Variants in FBXL7 observed in about 807,000 individuals in gnomAD.
The protein encoded by FBXL7 is F-box/LRR-repeat protein 7.
In FBXL7, 12 loss-of-function variants were observed where a neutral mutation model predicts 38.3. That is an observed-to-expected ratio of 0.31 (90% confidence interval 0.20 to 0.51). FBXL7 has a LOEUF of 0.51. Among genes scored for constraint, FBXL7 ranks in the 20% least tolerant of loss-of-function variants. The probability of loss-of-function intolerance (pLI) is 0.98; values close to 1 mark genes in which losing one functional copy is unlikely to be tolerated. For synonymous variants in FBXL7, 297 were observed against 300.9 expected (o/e 0.99, Z 0.13); for missense variants, 567 against 676.4 (o/e 0.84, Z 1.79).
At chr5:15,539,015 C>T (rs962917768) in intron 1 of FBXL7, among the ~76,000 whole-genome samples, 4 of 152,138 alleles carry the variant, frequency 2.6e-5, no homozygotes, top group East Asian at 1.9e-4. Flanking sequence ...AGAAAAAACA[C>T]GTGCACTTTT....
intron 2 of FBXL7, among the ~76,000 whole-genome samples, chr5:15,722,585 A>G (rs1289060377): frequency 6.6e-6 from 1 of 152,158 alleles, no homozygotes. Flanking sequence ...TCCTGCTCAT[A>G]TGCACTAGGA....
intron 2 of FBXL7, among the ~76,000 whole-genome samples, chr5:15,809,584 A>G (rs983351544): frequency 3.9e-5 from 6 of 152,148 alleles, no homozygotes; most frequent in African/African-American, 1.4e-4. Flanking sequence ...CAAAGAACTA[A>G]TCGTTATTAA....
Position 15,867,117 on chromosome 5 carries a change from A to G in FBXL7, c.128-60773A>G, listed in dbSNP as rs1007120130. Among the ~76,000 whole-genome samples, 8 of 152,166 alleles carry G rather than the reference A, an allele frequency of 5.3e-5. 1 individual carries two copies. Among genetic ancestry groups the G allele is most frequent in the African/African-American group, 1.7e-4 (7 of 41,440 alleles). On this transcript the variant is annotated intron_variant, in intron 2 of 3. Coordinates refer to ENST00000504595, the MANE Select transcript of FBXL7 (RefSeq NM_012304.5). ...TAGAAGACCTTGTAAATTCAAATCC[A>G]TATCCTTTAGGATAAAGTTTCAGTA...
chr5:15,838,580 T>C (rs1272003336), intron 2 of FBXL7, among the ~76,000 whole-genome samples: 1 of 152,218 alleles, frequency 6.6e-6, no homozygotes, highest in African/African-American at 2.4e-5. Flanking sequence ...ATATTGAGCA[T>C]CCTCGTTGCT....
At chr5:15,768,844 G>A (rs1736659327) in intron 2 of FBXL7, among the ~76,000 whole-genome samples, 2 of 152,206 alleles carry the variant, frequency 1.3e-5, no homozygotes, top group Admixed American at 1.3e-4. Context: ...AGTAGAGATG[G>A]AGATATACAT....
At chr5:15,711,269 G>C (rs1435513142) in intron 2 of FBXL7, among the ~76,000 whole-genome samples, 1 of 152,162 alleles carries the variant, frequency 6.6e-6, no homozygotes, top group Non-Finnish European at 1.5e-5. Flanking sequence ...AGTAGCTCTG[G>C]AGATTCCTGG....
chr5:15,817,082 T>C (rs1248319443), intron 2 of FBXL7, among the ~76,000 whole-genome samples: 1 of 152,216 alleles, frequency 6.6e-6, no homozygotes, highest in Non-Finnish European at 1.5e-5. Context: ...CAGATTCTAC[T>C]ATAAACTTTG....
At chr5:15,543,406 C>T (rs143279034) in intron 1 of FBXL7, among the ~76,000 whole-genome samples, 180 of 152,290 alleles carry the variant, frequency 1.2e-3, no homozygotes, top group African/African-American at 3.4e-3. Context: ...CCACCCTTGA[C>T]GCTTGGGGAT....
chr5:15,626,544 CTGTGTGTGTG>C (rs71603784), intron 2 of FBXL7, among the ~76,000 whole-genome samples: 6 of 148,346 alleles, frequency 4.0e-5, no homozygotes, highest in South Asian at 2.2e-4. Context: ...AATTCGTTTC[CTGTGTGTGTG>C]TGTGTGTGTG....
At chr5:15,924,064 G>A (rs1741816262) in intron 2 of FBXL7, among the ~76,000 whole-genome samples, 1 of 152,094 alleles carries the variant, frequency 6.6e-6, no homozygotes, top group Non-Finnish European at 1.5e-5. Flanking sequence ...AGAAACACTG[G>A]TTTCAGCGAT....
intron 2 of FBXL7, among the ~76,000 whole-genome samples, chr5:15,665,732 T>C (rs1367925592): frequency 1.3e-5 from 2 of 152,100 alleles, no homozygotes; most frequent in Non-Finnish European, 2.9e-5. Flanking sequence ...GAATTCAACT[T>C]TTACTGGGTC....
chr5:15,723,533 A>G (rs1561100476), intron 2 of FBXL7, among the ~76,000 whole-genome samples: 1 of 152,196 alleles, frequency 6.6e-6, no homozygotes, highest in Non-Finnish European at 1.5e-5. Context: ...AACTACTGAC[A>G]TGGCACTGCT....
At chr5:15,744,076 G>T (rs187926012) in intron 2 of FBXL7, among the ~76,000 whole-genome samples, 548 of 152,334 alleles carry the variant, frequency 3.6e-3, no homozygotes, top group Non-Finnish European at 5.5e-3. Flanking sequence ...AGGGGCTGCT[G>T]TGAAGACCTC....
chr5:15,937,082 A>G lies in FBXL7; in HGVS notation c.1372A>G (p.Thr458Ala). 2 of 1,613,956 alleles carry G rather than the reference A, an allele frequency of 1.2e-6. No individual in the cohort carries two copies. The highest frequency in any genetic ancestry group is 1.7e-6 in the Non-Finnish European group (2 of 1,179,892). The part of the protein sequence containing the change: ...IVAANCFDLQ[T>A]LNVQDCEVSV... ...GGCCGCCAACTGCTTTGACCTCCAGACGCTGAATGTCCAGGACTGCGAGGT... is the reference window on the plus strand; with the variant it reads ...GGCCGCCAACTGCTTTGACCTCCAGGCGCTGAATGTCCAGGACTGCGAGGT... The change falls in exon 4 of 4, where the codon ACG becomes GCG. Residue 458 changes from threonine to alanine, a missense_variant. Thr to Ala is a moderately conservative substitution (Grantham distance 58). Coordinates refer to ENST00000504595, the MANE Select transcript of FBXL7 (RefSeq NM_012304.5).
chr5:15,538,765 T>A (rs1286039897), intron 1 of FBXL7, among the ~76,000 whole-genome samples: 1 of 152,212 alleles, frequency 6.6e-6, no homozygotes, highest in Non-Finnish European at 1.5e-5. Flanking sequence ...GGAGGGCTGG[T>A]GGGCAGCAGT....
chr5:15,602,966 T>G (rs950802740), intron 1 of FBXL7, among the ~76,000 whole-genome samples: 2 of 152,158 alleles, frequency 1.3e-5, no homozygotes, highest in Non-Finnish European at 2.9e-5. Context: ...CCCAACTAGC[T>G]AGGACTACAG....
chr5:15,707,480 G>A (rs1266233525), intron 2 of FBXL7, among the ~76,000 whole-genome samples: 2 of 152,102 alleles, frequency 1.3e-5, no homozygotes, highest in Non-Finnish European at 1.5e-5. Context: ...AGCCTGGCCA[G>A]GGCTTTTGTG....
chr5:15,603,548 A>G (rs967064996), intron 1 of FBXL7, among the ~76,000 whole-genome samples: 1 of 152,330 alleles, frequency 6.6e-6, no homozygotes, highest in Non-Finnish European at 1.5e-5. Flanking sequence ...CTCCAGTGGG[A>G]ATTCTCCACT....
chr5:15,824,344 T>G (rs184519469), intron 2 of FBXL7, among the ~76,000 whole-genome samples: 192 of 151,932 alleles, frequency 1.3e-3, no homozygotes, highest in African/African-American at 3.9e-3. Flanking sequence ...ACTGGCAGTT[T>G]CCCAAATGCA....
Sources: gnomAD v4.1 joint callset for allele counts (sites outside exome capture counted in the v4.1 genomes callset) on GRCh38, gnomAD v4.1.1 for gene constraint, MANE v1.5 for transcripts, NCBI Gene and HGNC (gene_info 2026-07-23, HGNC 2026-07-21) for gene names.